Variants in METTL8 observed in about 807,000 individuals in gnomAD.
The protein encoded by METTL8 is tRNA N(3)-cytidine methyltransferase METTL8, mitochondrial.
Under a neutral mutation model 48.7 loss-of-function variants are expected in METTL8, and 32 were observed. That is an observed-to-expected ratio of 0.66 (90% CI 0.50 to 0.88). The LOEUF (loss-of-function observed/expected upper bound fraction) is 0.88. Among genes scored for constraint, METTL8 ranks in the 40% least tolerant of loss-of-function variants. The pLI is 0.00. For synonymous variants in METTL8, 136 were observed against 157.1 expected (o/e 0.87, Z 1.01); for missense variants, 464 against 474.4 (o/e 0.98, Z 0.20).
chr2:171,422,635 T>G (rs1166371119), intron 1 of METTL8, among the ~76,000 whole-genome samples: 1 of 152,098 alleles, frequency 6.6e-6, no homozygotes, highest in Non-Finnish European at 1.5e-5. Flanking sequence ...ACACACAATC[T>G]AATAGAAAAT....
chr2:171,363,810 A>ATATATATATATATATATATATATC (rs1160305500), intron 2 of METTL8, among the ~76,000 whole-genome samples: 1 of 137,882 alleles, frequency 7.3e-6, no homozygotes, highest in African/African-American at 2.7e-5. Context: ...ATATATATAT[A>ATATATATATATATATATATATATC]TATATCTTTT....
intron 1 of METTL8, among the ~76,000 whole-genome samples, chr2:171,432,218 A>G (rs565022695): frequency 4.2e-4 from 63 of 148,820 alleles, no homozygotes; most frequent in Non-Finnish European, 5.8e-4. Flanking sequence ...CCAGTGGCAA[A>G]GCAACGTCAA....
intron 1 of METTL8, among the ~76,000 whole-genome samples, chr2:171,397,605 A>G (rs375264559): frequency 2.0e-5 from 3 of 150,838 alleles, no homozygotes; most frequent in African/African-American, 7.3e-5. Context: ...AGGGAAAATG[A>G]GCAAAGCAGG....
At chr2:171,331,989 G>A (rs547868826) in intron 5 of METTL8, 122 bp from the exon 6 acceptor site, 44 of 647,342 alleles carry the variant, frequency 6.8e-5, no homozygotes, top group African/African-American at 5.5e-4. Context: ...GGACTCTAGC[G>A]ATCTTGCTTC....
intron 3 of METTL8, among the ~76,000 whole-genome samples, chr2:171,350,290 A>G (rs909069736): frequency 4.6e-5 from 7 of 152,122 alleles, no homozygotes; most frequent in African/African-American, 1.7e-4. Flanking sequence ...AAGGACATGA[A>G]CTCATCCTTT....
chr2:171,388,749 C>T (rs1472070804), intron 2 of METTL8, among the ~76,000 whole-genome samples: 1 of 152,182 alleles, frequency 6.6e-6, no homozygotes, highest in East Asian at 1.9e-4. Flanking sequence ...ATTTCTCCAA[C>T]AGCATGTGCT....
At position 171,333,158 on chromosome 2, in the gene METTL8, G is replaced by A. The variant is rs187681843; in HGVS notation, c.657-1291C>T. On this transcript the variant is annotated intron_variant, in intron 5 of 9. Coordinates refer to ENST00000375258, the MANE Select transcript of METTL8 (RefSeq NM_001321154.2). ...TTGTTGCCCAGGCTGGAGTGCAATG[G>A]TGCAATCTCGGCTCACTGCAGTCTC... Among the ~76,000 whole-genome samples the A allele has an allele frequency of 3.8e-4, 57 of 151,472 alleles. 2 individuals carry two copies. Among genetic ancestry groups the A allele is most frequent in the African/African-American group, 1.3e-3 (53 of 41,280 alleles).
intron 1 of METTL8, among the ~76,000 whole-genome samples, chr2:171,426,388 T>C (rs1256455670): frequency 1.3e-5 from 2 of 152,192 alleles, no homozygotes; most frequent in Non-Finnish European, 2.9e-5. Context: ...CAATTTTTTA[T>C]TTATCTAAAG....
chr2:171,331,493 C>T (rs1230144679), intron 6 of METTL8, among the ~76,000 whole-genome samples: 2 of 150,514 alleles, frequency 1.3e-5, no homozygotes, highest in Non-Finnish European at 3.0e-5. Flanking sequence ...CTTGGCACAC[C>T]GCAACCTCCA....
chr2:171,346,816 T>C (rs1439473663), intron 3 of METTL8, among the ~76,000 whole-genome samples: 1 of 152,236 alleles, frequency 6.6e-6, no homozygotes, highest in Non-Finnish European at 1.5e-5. Context: ...TTGACCCATA[T>C]TCATCAGAGA....
chr2:171,428,634 C>T (rs72882311), intron 1 of METTL8, among the ~76,000 whole-genome samples: 1 of 152,120 alleles, frequency 6.6e-6, no homozygotes, highest in Non-Finnish European at 1.5e-5. Context: ...TATTACTACT[C>T]AGTTTCTGCC....
intron 2 of METTL8, among the ~76,000 whole-genome samples, chr2:171,364,735 A>G (rs1171937868): frequency 6.6e-6 from 1 of 152,188 alleles, no homozygotes; most frequent in African/African-American, 2.4e-5. Flanking sequence ...TGATAATCTT[A>G]CCTAGAGAAA....
At chr2:171,433,862 A>G in intron 1 of METTL8, 21 bp downstream of exon 1, 1 of 155,692 alleles carries the variant, frequency 6.4e-6, no homozygotes, top group Non-Finnish European at 1.4e-5. Context: ...ATGCGGCTGA[A>G]GGGAAAGCCG....
chr2:171,384,984 T>TA (rs922692594), intron 2 of METTL8, among the ~76,000 whole-genome samples: 6 of 150,900 alleles, frequency 4.0e-5, no homozygotes, highest in Admixed American at 1.3e-4. Flanking sequence ...TTCTTAAAAT[T>TA]AAAAAAAAAT....
At chr2:171,421,698 C>G (rs1010187408) in intron 1 of METTL8, among the ~76,000 whole-genome samples, 14 of 152,064 alleles carry the variant, frequency 9.2e-5, no homozygotes, top group African/African-American at 3.4e-4. Context: ...TAACCAAACT[C>G]AGATTGAAAA....
rs540652446 is a variant in METTL8, at chr2:171,386,155, G to A, written c.143+5888C>T. 9.5e-4 allele frequency among the ~76,000 whole-genome samples: 144 copies of A among 152,320 alleles called. 1 individual carries two copies. Among genetic ancestry groups the A allele is most frequent in the African/African-American group, 3.1e-3 (128 of 41,572 alleles). On this transcript the variant is annotated intron_variant, in intron 2 of 9. Transcript: ENST00000375258. ...CAGTAGGCAAGAATCTCAGGCAAGA[G>A]AGCAGGTGGTAGCAGATGGAAAAAG...
At chr2:171,378,625 C>T (rs1304533904) in intron 2 of METTL8, among the ~76,000 whole-genome samples, 1 of 151,428 alleles carries the variant, frequency 6.6e-6, no homozygotes, top group Non-Finnish European at 1.5e-5. Context: ...AGCGAGACTC[C>T]ATCTAAAAAA....
At chr2:171,431,545 T>C (rs1210081979) in intron 1 of METTL8, among the ~76,000 whole-genome samples, 2 of 152,238 alleles carry the variant, frequency 1.3e-5, no homozygotes, top group Non-Finnish European at 2.9e-5. Context: ...AGCTGTTTTG[T>C]TGCTCAATAA....
chr2:171,400,060 A>G (rs1473881275), intron 1 of METTL8, among the ~76,000 whole-genome samples: 1 of 152,122 alleles, frequency 6.6e-6, no homozygotes, highest in Non-Finnish European at 1.5e-5. Context: ...AAAAAGTTAA[A>G]TATTTACCAT....
Sources: allele counts gnomAD v4.1 joint callset (sites outside exome capture counted in the v4.1 genomes callset), GRCh38; gene constraint gnomAD v4.1.1; transcripts MANE v1.5; gene names NCBI Gene and HGNC (gene_info 2026-07-23, HGNC 2026-07-21).